The following MAN2B1 variants were observed in gnomAD, a reference collection of about 807,000 sequenced individuals.
The protein encoded by MAN2B1 is mannosidase alpha class 2B member 1.
MAN2B1 carries 99 observed loss-of-function variants against 127.5 expected under a neutral mutation model. The ratio of observed to expected loss-of-function variants is 0.78; its 90% CI spans 0.66 to 0.92. MAN2B1 has a LOEUF of 0.92. Among genes scored for constraint, MAN2B1 ranks in the 40% least tolerant of loss-of-function variants. The pLI is 0.00. For missense variants in MAN2B1, 1,304 were observed against 1,384.8 expected, an observed-to-expected ratio of 0.94 and a Z score of 0.93; for synonymous variants, 573 against 568.8, an observed-to-expected ratio of 1.01 and a Z score of -0.11.
chr19:12,661,870 A>C (rs996564048), intron 6 of MAN2B1, among the ~76,000 whole-genome samples: 1 of 151,146 alleles, frequency 6.6e-6, no homozygotes, highest in Non-Finnish European at 1.5e-5. Context: ...TTTGAGACAG[A>C]GTTTCACTCT....
At chr19:12,648,112 C>A in intron 21 of MAN2B1, 63 bp downstream of exon 21, 2 of 1,467,362 alleles carry the variant, frequency 1.4e-6, no homozygotes, top group African/African-American at 1.4e-5. Context: ...AAACTCCGCA[C>A]CCAAACCCGG....
chr19:12,650,122 A>G lies in MAN2B1; in HGVS notation c.2147T>C (p.Val716Ala). ...GQRHLELEWSVGPIPVGDTWG... is the reference protein window; with the variant it reads ...GQRHLELEWSAGPIPVGDTWG... ...CACTCACCCCACAGGTATCGGCCCC[A>G]CCGACCACTCTAGCTCCAGGTGCCG... The change falls in exon 17 of 24, where the codon GTG (valine) becomes GCG (alanine). Residue 716 changes from valine to alanine, a missense_variant. By Grantham distance (64) the Val-to-Ala change is moderately conservative (BLOSUM62 0). Coordinates refer to ENST00000456935, the MANE Select transcript of MAN2B1 (RefSeq NM_000528.4). 2 of 1,613,806 alleles carry G rather than the reference A, an allele frequency of 1.2e-6. No homozygotes were observed. Among genetic ancestry groups the G allele is most frequent in the East Asian group, 2.2e-5 (1 of 44,860 alleles).
In MAN2B1 at chr19:12,646,726, G is replaced by A. The variant is rs1017209279; in HGVS notation, c.2930C>T (p.Thr977Ile). 1.2e-6 allele frequency: 2 copies of A among 1,612,456 alleles called. No homozygotes were observed. Among genetic ancestry groups the A allele is most frequent in the Admixed American group, 1.7e-5 (1 of 59,984 alleles). The change falls in exon 24 of 24, where the codon ACA (threonine) becomes ATA (isoleucine). Residue 977 changes from threonine to isoleucine, a missense_variant. Transcript: ENST00000456935. ...RLKWTTNTGP[T>I]PHQTPYQLDP... is the part of the protein sequence containing the mutation. The stretch of plus-strand genomic sequence containing the variant: ...CAGCTGGTACGGAGTTTGGTGGGGT[G>A]TGGGGCCTGGAGAGGTGCAGGGGGA...
intron 14 of MAN2B1, among the ~76,000 whole-genome samples, chr19:12,655,073 C>T (rs1037719301): frequency 2.6e-5 from 4 of 152,162 alleles, no homozygotes; most frequent in African/African-American, 9.7e-5. Flanking sequence ...CTCAAACAAA[C>T]CTCCCATCTG....
At position 12,658,880 on chromosome 19, in the gene MAN2B1, G is replaced by A. The variant is rs578151678; in HGVS notation, c.1027-370C>T. On this transcript the variant is annotated intron_variant, in intron 7 of 23. Transcript: ENST00000456935. The stretch of plus-strand genomic sequence containing the variant: ...AAACACAACTTTTTTTTTTTGGGAC[G>A]GAGTCTTACTTTGTTGCCCAGGCTG... The A allele has an allele frequency of 3.5e-5, 12 of 341,956 alleles. No individual in the cohort carries two copies. In the East Asian group the frequency reaches 3.9e-4, roughly 11 times the overall value. 21.2% of individuals were successfully genotyped at this position (341,956 alleles called of 1,614,324 possible).
intron 16 of MAN2B1, 132 bp from the exon 17 acceptor site, chr19:12,650,354 ATTCT>A (rs1168116553): frequency 1.6e-6 from 1 of 638,590 alleles, no homozygotes; most frequent in Non-Finnish European, 2.8e-6. Flanking sequence ...CCGCCACATA[ATTCT>A]TTTTTTTTTT....
rs769340707 is a variant in MAN2B1 at position 12,666,718 on chromosome 19, C to T, written c.-17G>A. On this transcript the variant is annotated 5_prime_UTR_variant, in exon 1 of 24. Transcript: ENST00000456935. ...GGCGCCCATGGCTCAGCAGCTTCCT[C>T]CTGGGGTTCCCCGGCCCTGGAAAGG... is the stretch of plus-strand genomic sequence containing the variant. 9.7e-6 allele frequency: 15 copies of T among 1,546,466 alleles called. No homozygotes were observed. The highest frequency in any genetic ancestry group is 2.0e-5 in the Admixed American group (1 of 50,906).
intron 10 of MAN2B1, 45 bp from the exon 11 acceptor site, chr19:12,657,600 T>C: frequency 6.7e-7 from 1 of 1,493,758 alleles, no homozygotes. Flanking sequence ...GGGACTCAGC[T>C]GAGACCCCAA....
At position 12,652,233 on chromosome 19, in the gene MAN2B1, C is replaced by G; in HGVS notation, c.1966G>C (p.Ala656Pro). 1 of 1,614,190 alleles carries G rather than the reference C, an allele frequency of 6.2e-7. No individual in the cohort carries two copies. Among genetic ancestry groups the G allele is most frequent in the Non-Finnish European group, 8.5e-7 (1 of 1,180,040 alleles). ...GGTCTGAAGATGTAGGCACCTGAGGCCTGGTCACTTTCGTTGTCACCTATA... is the reference window on the plus strand; with the variant it reads ...GGTCTGAAGATGTAGGCACCTGAGGGCTGGTCACTTTCGTTGTCACCTATA... ...ASIGDNESDQ[A>P]SGAYIFRPNQ... The change falls in exon 16 of 24, where the codon GCC becomes CCC. Residue 656 changes from alanine to proline, a missense_variant. By Grantham distance (27) the Ala-to-Pro change is conservative. Coordinates refer to ENST00000456935, the MANE Select transcript of MAN2B1 (RefSeq NM_000528.4).
At chr19:12,659,297 CTTTTTT>C (rs34781385) in intron 7 of MAN2B1, among the ~76,000 whole-genome samples, 3 of 113,934 alleles carry the variant, frequency 2.6e-5, no homozygotes, top group African/African-American at 1.0e-4. Context: ...GCTCAATAAA[CTTTTTT>C]TTTTTTTTTT....
chr19:12,649,630 C>T (rs1209475874), intron 18 of MAN2B1, among the ~76,000 whole-genome samples: 3 of 151,718 alleles, frequency 2.0e-5, no homozygotes, highest in Non-Finnish European at 4.4e-5. Flanking sequence ...TACAGGTGCC[C>T]GCCACCACAC....
At chr19:12,646,878 C>T (rs1274647109) in intron 23 of MAN2B1, 146 bp from the exon 24 acceptor site, 4 of 659,072 alleles carry the variant, frequency 6.1e-6, no homozygotes, top group Non-Finnish European at 1.1e-5. Context: ...TAACCTGCTT[C>T]CCCGGCCCCG....
chr19:12,648,179 G>A lies in MAN2B1; in HGVS notation c.2660C>T (p.Thr887Met). ...AAYNLGAPPR[T>M]QFSGLRRDLP... ...GCCTACCCCGCTGCCCCTCACCTGCGTGCGCGGAGGAGCCCCGAGATTGTA... is the reference window on the plus strand; with the variant it reads ...GCCTACCCCGCTGCCCCTCACCTGCATGCGCGGAGGAGCCCCGAGATTGTA... The change falls in exon 21 of 24, where the codon ACG becomes ATG. Residue 887 changes from threonine to methionine, a missense_variant. Thr to Met is a moderately conservative substitution (Grantham distance 81). Coordinates refer to ENST00000456935, the MANE Select transcript of MAN2B1 (RefSeq NM_000528.4). 2.6e-6 allele frequency: 4 copies of A among 1,537,094 alleles called. No individual in the cohort carries two copies. Among genetic ancestry groups the A allele is most frequent in the Non-Finnish European group, 2.6e-6 (3 of 1,147,298 alleles).
rs762375074 is a variant in MAN2B1 at position 12,658,287 on chromosome 19, G to C, written c.1167C>G (p.Thr389=). The change falls in exon 9 of 24, where the codon ACC becomes ACG. Residue 389 remains threonine (T), a synonymous_variant. Coordinates refer to ENST00000456935, the MANE Select transcript of MAN2B1 (RefSeq NM_000528.4). The stretch of plus-strand genomic sequence containing the variant: ...GGGCCGGCCGACTGGAAAAGTAACC[G>C]GTCCAGAACTGGTGGGGGCCATCCG... ...PYADGPHQFW[T]GYFSSRPALK... 1 of 1,614,182 alleles carries C rather than the reference G, an allele frequency of 6.2e-7. No homozygotes were observed. The highest frequency in any genetic ancestry group is 1.1e-5 in the South Asian group (1 of 91,086).
intron 4 of MAN2B1, 21 bp from the exon 5 acceptor site, chr19:12,663,856 G>A (rs1240638617): frequency 2.0e-5 from 32 of 1,613,948 alleles, no homozygotes; most frequent in Non-Finnish European, 2.6e-5. Flanking sequence ...GGGAGGAAAA[G>A]GCAGTGTGAA....
At chr19:12,657,871 C>T in intron 10 of MAN2B1, 192 bp downstream of exon 10, 1 of 621,454 alleles carries the variant, frequency 1.6e-6, no homozygotes, top group Admixed American at 3.1e-5. Context: ...AGGAGAATGG[C>T]GTGAACACGG....
chr19:12,649,156 C>G lies in MAN2B1; in HGVS notation c.2416G>C (p.Asp806His). 1 of 1,612,408 alleles carries G rather than the reference C, an allele frequency of 6.2e-7. No homozygotes were observed. Among genetic ancestry groups the G allele is most frequent in the Non-Finnish European group, 8.5e-7 (1 of 1,179,988 alleles). The change falls in exon 20 of 24, where the codon GAT (aspartate) becomes CAT (histidine). Residue 806 changes from aspartate to histidine, a missense_variant. Asp to His is a moderately conservative substitution (Grantham distance 81). Transcript: ENST00000456935. ...DRSQGGSSLR[D>H]GSLELMVHRR... is the part of the protein sequence containing the mutation. ...CTCACCATGAGCTCCAGCGAGCCAT[C>G]TCTCAGGCTGCTGCCCCCCTGGGAG...
intron 13 of MAN2B1, 144 bp from the exon 14 acceptor site, chr19:12,656,023 C>A: frequency 1.5e-6 from 1 of 656,116 alleles, no homozygotes; most frequent in Non-Finnish European, 2.7e-6. Flanking sequence ...CAGTCAGATT[C>A]CAAGGAAATG....
In MAN2B1 at chr19:12,646,568, G is replaced by A; in HGVS notation, c.*52C>T. 1.5e-6 allele frequency: 2 copies of A among 1,350,622 alleles called. No homozygotes were observed. Among genetic ancestry groups the A allele is most frequent in the South Asian group, 1.2e-5 (1 of 85,622 alleles). 83.7% of individuals were successfully genotyped at this position (1,350,622 alleles called of 1,614,324 possible). On this transcript the variant is annotated 3_prime_UTR_variant, in exon 24 of 24. Transcript: ENST00000456935. ...AGCCCCAAGAGGAGAGTCAGAGTCT[G>A]GTCTGCCCCCGGAGCAGGAGGCTTG...
Sources: gnomAD v4.1 joint callset for allele counts (sites outside exome capture counted in the v4.1 genomes callset) on GRCh38, gnomAD v4.1.1 for gene constraint, MANE v1.5 for transcripts, NCBI Gene and HGNC (gene_info 2026-07-23, HGNC 2026-07-21) for gene names.